AGBL1: variants seen among roughly 807,000 people sequenced by gnomAD.
AGBL1 encodes the protein AGBL carboxypeptidase 1.
AGBL1 carries 130 observed loss-of-function variants against 118.9 expected under a neutral mutation model. The observed-to-expected ratio is 1.09, with a 90% CI of 0.95 to 1.26. The LOEUF (loss-of-function observed/expected upper bound fraction) is 1.26. Among genes scored for constraint, AGBL1 ranks in the 50% most tolerant of loss-of-function variants. AGBL1 has a pLI of 0.00. For missense variants in AGBL1, 1,584 were observed against 1,298.1 expected (o/e 1.22, Z -3.38); for synonymous variants, 555 against 478.9 (o/e 1.16, Z -2.08).
At chr15:86,697,137 C>G (rs1264304343) in intron 22 of AGBL1, among the ~76,000 whole-genome samples, 1 of 151,800 alleles carries the variant, frequency 6.6e-6, no homozygotes, top group African/African-American at 2.4e-5. Flanking sequence ...ATTTGGATGT[C>G]TAGTTCTCTA....
chr15:86,114,004 C>T (rs1482884715), intron 1 of AGBL1, among the ~76,000 whole-genome samples: 2 of 152,226 alleles, frequency 1.3e-5, no homozygotes, highest in Non-Finnish European at 2.9e-5. Flanking sequence ...GCATTCTACA[C>T]ATAAGTCATT....
At chr15:86,813,252 A>G (rs1235445533) in intron 22 of AGBL1, among the ~76,000 whole-genome samples, 1 of 152,088 alleles carries the variant, frequency 6.6e-6, no homozygotes, top group African/African-American at 2.4e-5. Context: ...GGGTCAGTCC[A>G]AAGGGCCTTG....
At chr15:86,232,342 G>A (rs1480733541) in intron 6 of AGBL1, among the ~76,000 whole-genome samples, 2 of 152,132 alleles carry the variant, frequency 1.3e-5, no homozygotes, top group African/African-American at 4.8e-5. Context: ...CCGGCCATGT[G>A]GTGGTGCTGT....
At chr15:86,082,864 A>G (rs568792160) in intron 1 of AGBL1, among the ~76,000 whole-genome samples, 3 of 152,350 alleles carry the variant, frequency 2.0e-5, no homozygotes, top group African/African-American at 4.8e-5. Flanking sequence ...CAGGCAGCCC[A>G]CAGCACAGGT....
intron 17 of AGBL1, among the ~76,000 whole-genome samples, chr15:86,384,332 G>T (rs760652173): frequency 8.5e-5 from 13 of 152,148 alleles, no homozygotes; most frequent in South Asian, 2.1e-4. Context: ...AAGTGAGCCA[G>T]CCGGCAGGTC....
intron 18 of AGBL1, among the ~76,000 whole-genome samples, chr15:86,419,001 C>T (rs1004403829): frequency 6.6e-6 from 1 of 152,074 alleles, no homozygotes; most frequent in Non-Finnish European, 1.5e-5. Context: ...TAACCAAGTT[C>T]CCTCTTGGAT....
chr15:86,889,911 T>G (rs1048607701), intron 22 of AGBL1, among the ~76,000 whole-genome samples: 1 of 152,182 alleles, frequency 6.6e-6, no homozygotes, highest in Non-Finnish European at 1.5e-5. Flanking sequence ...GTATATACCC[T>G]GTAATGGGAT....
intron 18 of AGBL1, among the ~76,000 whole-genome samples, chr15:86,459,153 G>A (rs570179857): frequency 9.2e-5 from 14 of 152,160 alleles, no homozygotes; most frequent in Non-Finnish European, 7.4e-5. Context: ...CAGTAATCAC[G>A]TGAGTGTAAT....
intron 22 of AGBL1, among the ~76,000 whole-genome samples, chr15:86,720,363 G>A (rs1226311862): frequency 6.6e-6 from 1 of 152,116 alleles, no homozygotes; most frequent in Non-Finnish European, 1.5e-5. Flanking sequence ...TTTACTTTCT[G>A]TCATTCCTAG....
intron 18 of AGBL1, among the ~76,000 whole-genome samples, chr15:86,471,832 A>C (rs1338944113): frequency 1.3e-5 from 2 of 152,200 alleles, no homozygotes; most frequent in African/African-American, 4.8e-5. Context: ...AGATATTGGC[A>C]TGTCTTGACC....
chr15:86,597,486 C>G (rs775959189), intron 21 of AGBL1, among the ~76,000 whole-genome samples: 1 of 152,100 alleles, frequency 6.6e-6, no homozygotes, highest in Non-Finnish European at 1.5e-5. Context: ...CCCTTCATCA[C>G]CCCTAACCCC....
intron 21 of AGBL1, among the ~76,000 whole-genome samples, chr15:86,641,347 A>G (rs2085186396): frequency 1.3e-5 from 2 of 152,016 alleles, no homozygotes; most frequent in Non-Finnish European, 2.9e-5. Flanking sequence ...CGTATAGAAT[A>G]TATGTGCGCT....
chr15:86,368,398 C>A (rs1374547424), intron 17 of AGBL1, among the ~76,000 whole-genome samples: 1 of 152,044 alleles, frequency 6.6e-6, no homozygotes, highest in East Asian at 1.9e-4. Flanking sequence ...AGTAAGAAAA[C>A]CACAAATTCA....
At chr15:86,468,557 G>A (rs747443326) in intron 18 of AGBL1, among the ~76,000 whole-genome samples, 2 of 152,154 alleles carry the variant, frequency 1.3e-5, no homozygotes, top group Non-Finnish European at 2.9e-5. Context: ...CTTCTTCTGA[G>A]GAGAGAATTG....
intron 1 of AGBL1, among the ~76,000 whole-genome samples, chr15:86,115,997 T>A (rs985640975): frequency 1.3e-5 from 2 of 152,198 alleles, no homozygotes; most frequent in Admixed American, 6.5e-5. Flanking sequence ...ATCATGTCAC[T>A]TTTCCAACTA....
At chr15:87,025,633 C>A (rs997756336) in intron 24 of AGBL1, among the ~76,000 whole-genome samples, 1 of 151,768 alleles carries the variant, frequency 6.6e-6, no homozygotes, top group African/African-American at 2.4e-5. Flanking sequence ...ATTCTTCACA[C>A]AATTAGAAAA....
chr15:86,626,836 C>CT (rs11318598), intron 21 of AGBL1, among the ~76,000 whole-genome samples: 32,582 of 117,792 alleles, frequency 0.28, 4,815 homozygotes, highest in East Asian at 0.41. Context: ...ATATACTTTT[C>CT]TTTTTTTTTT....
Position 86,320,447 on chromosome 15 carries a change from C to T in AGBL1, c.2374+25039C>T, listed in dbSNP as rs546346281. ...GTATAGAAAAATGTGATGGATTTTTCTATATTTGTTTTGTATTTTAAAATG... is the reference window on the plus strand; with the variant it reads ...GTATAGAAAAATGTGATGGATTTTTTTATATTTGTTTTGTATTTTAAAATG... On this transcript the variant is annotated intron_variant, in intron 17 of 22. Coordinates refer to ENST00000614907, the MANE Select transcript of AGBL1 (RefSeq NM_001386094.1). Among the ~76,000 whole-genome samples, 109 of 151,364 alleles carry T rather than the reference C, an allele frequency of 7.2e-4. 2 individuals carry two copies. In the South Asian group the frequency reaches 0.022, roughly 31 times the overall value.
chr15:86,838,290 G>A (rs945988468), intron 22 of AGBL1, among the ~76,000 whole-genome samples: 1 of 152,102 alleles, frequency 6.6e-6, no homozygotes, highest in Admixed American at 6.5e-5. Flanking sequence ...TGGCCTGTAA[G>A]TTAGTGTGTT....
Sources: gnomAD v4.1 joint callset for allele counts (sites outside exome capture counted in the v4.1 genomes callset) on GRCh38, gnomAD v4.1.1 for gene constraint, MANE v1.5 for transcripts, NCBI Gene and HGNC (gene_info 2026-07-23, HGNC 2026-07-21) for gene names.